Variants in NME6 observed in about 807,000 individuals in gnomAD.
NME6 encodes the protein nucleoside diphosphate kinase 6, mitochondrial.
Under a neutral mutation model 22.2 loss-of-function variants are expected in NME6, and 16 were observed. The observed-to-expected ratio is 0.72, with a 90% CI of 0.49 to 1.09. The LOEUF is 1.09. Ranked by LOEUF, NME6 falls within the 50% of genes least tolerant of loss-of-function variation. The pLI is 0.00. For missense variants in NME6, 229 were observed against 239.0 expected (o/e 0.96, Z 0.28); for synonymous variants, 58 against 85.2 (o/e 0.68, Z 1.76).
chr3:48,300,465 C>A, intron 1 of NME6: 1 of 397,736 alleles, frequency 2.5e-6, no homozygotes, highest in South Asian at 1.9e-5. Context: ...GTTACACTTT[C>A]TCACAGCTCC....
downstream of NME6, among the ~76,000 whole-genome samples, chr3:48,288,211 T>C (rs2034265962): frequency 6.6e-6 from 1 of 151,860 alleles, no homozygotes; most frequent in Non-Finnish European, 1.5e-5. Context: ...CAAAACTCCA[T>C]CTCTACAAAA....
intron 4 of NME6, 31 bp downstream of exon 4, chr3:48,296,088 G>T (rs1453319535): frequency 7.1e-7 from 1 of 1,411,696 alleles, no homozygotes; most frequent in Non-Finnish European, 1.0e-6. Flanking sequence ...AGCCTCAGTG[G>T]ATAAAGATGC....
Position 48,295,146 on chromosome 3 carries a change from C to T in NME6, c.323G>A (p.Arg108His), listed in dbSNP as rs773133255. 4.6e-5 allele frequency: 75 copies of T among 1,614,034 alleles called. No individual in the cohort carries two copies. The highest frequency in any genetic ancestry group is 1.5e-4 in the African/African-American group (11 of 74,900). ...ACGGATAGAATCTGGGGCCACATGGCGTGCTCGGAACACTCTGGTGGGTCC... is the reference window on the plus strand; with the variant it reads ...ACGGATAGAATCTGGGGCCACATGGTGTGCTCGGAACACTCTGGTGGGTCC... ...LMGPTRVFRA[R>H]HVAPDSIRGS... The change falls in exon 5 of 6, where the codon CGC (arginine) becomes CAC (histidine). Residue 108 changes from arginine to histidine, a missense_variant. Arg to His is a conservative substitution (Grantham distance 29). Transcript: ENST00000442597.
chr3:48,298,398 T>C, intron 2 of NME6, 29 bp downstream of exon 2: 6 of 1,589,140 alleles, frequency 3.8e-6, no homozygotes, highest in Non-Finnish European at 5.2e-6. Flanking sequence ...TCCCAGGGCA[T>C]GCGGTAGAGA....
intron 1 of NME6, chr3:48,299,005 T>G (rs1000669753): frequency 4.3e-6 from 3 of 702,798 alleles, no homozygotes; most frequent in Non-Finnish European, 7.8e-6. Flanking sequence ...GCAACTGAGG[T>G]GCTACCAGGA....
At chr3:48,290,129 CGGCTCACTGCAGCCTCCACCTTCCA>C (rs796152955), downstream of NME6, among the ~76,000 whole-genome samples, 11 of 151,664 alleles carry the variant, frequency 7.3e-5, no homozygotes, top group East Asian at 1.9e-3. Flanking sequence ...GGCACAATCA[CGGCTCACTGCAGCCTCCACCTTCCA>C]GGCTCAAGTG....
chr3:48,297,419 GC>G (rs1293559518), intron 2 of NME6: 1 of 152,874 alleles, frequency 6.5e-6, no homozygotes, highest in Admixed American at 6.5e-5. Flanking sequence ...TTCCTTTGAG[GC>G]CCAGCTGAGT....
At chr3:48,295,844 T>C (rs994433835) in intron 4 of NME6, 21 of 485,680 alleles carry the variant, frequency 4.3e-5, no homozygotes, top group Non-Finnish European at 1.1e-5. Flanking sequence ...GCCTCCCGAG[T>C]AGCTGGGATT....
chr3:48,290,242 T>C (rs1036205208), downstream of NME6, among the ~76,000 whole-genome samples: 5 of 151,516 alleles, frequency 3.3e-5, no homozygotes, highest in Non-Finnish European at 7.4e-5. Flanking sequence ...AAATTTTATT[T>C]TATTAAAATT....
chr3:48,290,069 G>T (rs890572584), downstream of NME6, among the ~76,000 whole-genome samples: 2 of 145,206 alleles, frequency 1.4e-5, no homozygotes, highest in Admixed American at 6.9e-5. Flanking sequence ...ATGGTTTTTT[G>T]TTTTTTTTTT....
intron 1 of NME6, chr3:48,299,159 G>C: frequency 1.9e-6 from 1 of 522,350 alleles, no homozygotes; most frequent in Non-Finnish European, 3.4e-6. Context: ...CCAACATCAG[G>C]AACAAGTCAT....
chr3:48,288,392 A>G (rs898653974), downstream of NME6, among the ~76,000 whole-genome samples: 1 of 152,052 alleles, frequency 6.6e-6, no homozygotes, highest in East Asian at 1.9e-4. Flanking sequence ...AAAAAGAAAA[A>G]AAAAATTTAG....
rs576449215 is a variant in NME6, at chr3:48,296,180, A to G, written c.194-22T>C. On this transcript the variant is annotated intron_variant, in intron 3 of 5. Transcript: ENST00000442597. ...CGCCCTGCAAAGAGAGAGGACCTTC[A>G]TCAAGATACCTTCATCCTGGTGCCC... is the stretch of plus-strand genomic sequence containing the variant. 43 of 1,614,160 alleles carry G rather than the reference A, an allele frequency of 2.7e-5. No individual in the cohort carries two copies. In the South Asian group the frequency reaches 4.7e-4, roughly 18 times the overall value.
At chr3:48,288,975 G>C (rs1162562354), downstream of NME6, among the ~76,000 whole-genome samples, 2 of 152,202 alleles carry the variant, frequency 1.3e-5, no homozygotes, top group African/African-American at 4.8e-5. Flanking sequence ...AGAGGACACT[G>C]AAGAGTGCTG....
chr3:48,296,719 G>C lies in NME6; in HGVS notation c.193+8C>G. 1 of 1,601,194 alleles carries C rather than the reference G, an allele frequency of 6.2e-7. No homozygotes were observed. Among genetic ancestry groups the C allele is most frequent in the Non-Finnish European group, 8.5e-7 (1 of 1,169,916 alleles). ...GGCACCTTCCATTCAGAGGACTACT[G>C]ATCCTACCTTCATGCTCTCGGTAAA... On this transcript the variant is annotated splice_region_variant and intron_variant, in intron 3 of 5. Transcript: ENST00000442597.
chr3:48,301,111 C>T (rs1247545102), intron 1 of NME6, among the ~76,000 whole-genome samples: 3 of 152,176 alleles, frequency 2.0e-5, no homozygotes, highest in Non-Finnish European at 2.9e-5. Flanking sequence ...GGCCACCACT[C>T]GCTTCCTGGA....
At chr3:48,295,415 C>T in intron 4 of NME6, 180 bp from the exon 5 acceptor site, 1 of 634,070 alleles carries the variant, frequency 1.6e-6, no homozygotes, top group Non-Finnish European at 2.6e-6. Flanking sequence ...ATCAAGCCTG[C>T]AGAGATCAGC....
intron 2 of NME6, chr3:48,297,936 C>T (rs1002057294): frequency 5.9e-6 from 1 of 169,986 alleles, no homozygotes; most frequent in African/African-American, 2.4e-5. Flanking sequence ...GAAATGGCAG[C>T]CTCAGTCCTA....
At chr3:48,290,010 A>G (rs1483235292), downstream of NME6, among the ~76,000 whole-genome samples, 1 of 152,144 alleles carries the variant, frequency 6.6e-6, no homozygotes, top group Non-Finnish European at 1.5e-5. Flanking sequence ...AAGGGGAAAC[A>G]CATTTTTTCA....
Sources: gnomAD v4.1 joint callset for allele counts (sites outside exome capture counted in the v4.1 genomes callset) on GRCh38, gnomAD v4.1.1 for gene constraint, MANE v1.5 for transcripts, NCBI Gene and HGNC (gene_info 2026-07-23, HGNC 2026-07-21) for gene names.